The following FRMD6 variants were observed in gnomAD, a reference collection of about 807,000 sequenced individuals.
The protein encoded by FRMD6 is FERM domain-containing protein 6.
FRMD6 carries 37 observed loss-of-function variants against 73.2 expected under a neutral mutation model. The ratio of observed to expected loss-of-function variants is 0.51; its 90% CI spans 0.39 to 0.66. The LOEUF (loss-of-function observed/expected upper bound fraction) is 0.66, where lower values mean the gene tolerates loss of function less well. FRMD6 is among the 30% of genes least tolerant of loss of function. The probability of loss-of-function intolerance (pLI) is 0.00; values close to 1 mark genes in which losing one functional copy is unlikely to be tolerated. For synonymous variants in FRMD6, 273 were observed against 282.2 expected (o/e 0.97, Z 0.33); for missense variants, 714 against 780.5 (o/e 0.91, Z 1.02).
At chr14:51,666,810 A>C (rs567283351) in intron 1 of FRMD6, among the ~76,000 whole-genome samples, 1 of 152,296 alleles carries the variant, frequency 6.6e-6, no homozygotes, top group African/African-American at 2.4e-5. Context: ...TAAATAAGTA[A>C]ACAAAGGACA....
intron 1 of FRMD6, among the ~76,000 whole-genome samples, chr14:51,559,431 C>G (rs964848515): frequency 5.9e-5 from 9 of 152,074 alleles, no homozygotes; most frequent in African/African-American, 2.2e-4. Flanking sequence ...CTTGGTCAAT[C>G]CAATCAGAAT....
chr14:51,484,508 A>G (rs1596482382), upstream of FRMD6, among the ~76,000 whole-genome samples: 2 of 152,200 alleles, frequency 1.3e-5, no homozygotes, highest in South Asian at 2.1e-4. Flanking sequence ...TACCACCACC[A>G]GAATAGCCAC....
the FRMD6 span, among the ~76,000 whole-genome samples, chr14:51,407,679 G>C: frequency 6.6e-6 from 1 of 151,940 alleles, no homozygotes; most frequent in Non-Finnish European, 1.5e-5. Flanking sequence ...AAAAAATTCA[G>C]TTTAAAATAT....
intron 1 of FRMD6, among the ~76,000 whole-genome samples, chr14:51,511,616 A>C (rs1209293191): frequency 1.3e-5 from 2 of 152,224 alleles, no homozygotes; most frequent in East Asian, 3.8e-4. Context: ...AAGATTGATT[A>C]AGAACACAAG....
chr14:51,484,548 T>C (rs1882727288), upstream of FRMD6, among the ~76,000 whole-genome samples: 1 of 152,174 alleles, frequency 6.6e-6, no homozygotes, highest in Non-Finnish European at 1.5e-5. Context: ...GACAGGGCCC[T>C]GGAACCCTGC....
chr14:51,654,517 G>A lies in FRMD6; in HGVS notation c.-147+2521G>A, dbSNP rs929054993. On this transcript the variant is annotated intron_variant, in intron 1 of 13. Coordinates refer to ENST00000344768, the MANE Select transcript of FRMD6 (RefSeq NM_001267046.2). ...GTCCTGTCTCACAACTAACTTTTTT[G>A]ATAAAGGAATTCTTTGTAGTTTTCG... Among the ~76,000 whole-genome samples, 6 of 151,552 alleles carry A rather than the reference G, an allele frequency of 4.0e-5. No homozygotes were observed. The East Asian group carries it at 9.7e-4, about 24-fold the overall frequency.
At chr14:51,455,892 G>A in the FRMD6 span, among the ~76,000 whole-genome samples, 1 of 152,154 alleles carries the variant, frequency 6.6e-6, no homozygotes, top group African/African-American at 2.4e-5. Flanking sequence ...TGAAGTTCAA[G>A]GTCAGCAGAG....
chr14:51,648,826 C>T (rs1261855674), upstream of FRMD6, among the ~76,000 whole-genome samples: 1 of 152,110 alleles, frequency 6.6e-6, no homozygotes, highest in Admixed American at 6.5e-5. Context: ...ATAACCTGTT[C>T]CTAAGAAAAA....
At chr14:51,495,133 T>G (rs1188734851) in intron 1 of FRMD6, among the ~76,000 whole-genome samples, 1 of 152,186 alleles carries the variant, frequency 6.6e-6, no homozygotes, top group Non-Finnish European at 1.5e-5. Context: ...AGTTTTTCCT[T>G]CCACAAAACA....
At chr14:51,622,798 C>A (rs1014483360) in intron 2 of FRMD6, among the ~76,000 whole-genome samples, 3 of 152,160 alleles carry the variant, frequency 2.0e-5, no homozygotes, top group Non-Finnish European at 4.4e-5. Context: ...CAGGGTCTTA[C>A]ACTGTCACCC....
intron 1 of FRMD6, among the ~76,000 whole-genome samples, chr14:51,514,654 C>T (rs1425088993): frequency 1.3e-5 from 2 of 152,262 alleles, no homozygotes; most frequent in Middle Eastern, 3.4e-3. Flanking sequence ...TCTAGACCAG[C>T]CTGGTCAATA....
At chr14:51,671,889 G>A (rs915112518) in intron 1 of FRMD6, among the ~76,000 whole-genome samples, 1 of 152,206 alleles carries the variant, frequency 6.6e-6, no homozygotes, top group Admixed American at 6.5e-5. Flanking sequence ...GGCCAACACT[G>A]TGGAATCTCA....
intron 1 of FRMD6, among the ~76,000 whole-genome samples, chr14:51,658,004 G>C (rs1892958090): frequency 1.3e-5 from 2 of 152,188 alleles, no homozygotes; most frequent in African/African-American, 4.8e-5. Flanking sequence ...GTCTCCTCTA[G>C]TGCCACATGC....
chr14:51,656,627 T>C (rs1330657072), intron 1 of FRMD6, among the ~76,000 whole-genome samples: 1 of 152,136 alleles, frequency 6.6e-6, no homozygotes, highest in Non-Finnish European at 1.5e-5. Context: ...TTGGCCAGGC[T>C]GATCTCAAAC....
chr14:51,663,726 C>T (rs773358884), intron 1 of FRMD6, among the ~76,000 whole-genome samples: 1 of 152,126 alleles, frequency 6.6e-6, no homozygotes, highest in Non-Finnish European at 1.5e-5. Context: ...CAAACCTGTA[C>T]TCATACCCTT....
chr14:51,684,161 TAA>T lies in FRMD6; in HGVS notation c.-146-5518_-146-5517del, dbSNP rs35178247. ...TGTTTTTAAATAAATAAATGACCCT[TAA>T]AAAAAAAAAAACCCTCATAGTACAG... is the stretch of plus-strand genomic sequence containing the variant. On this transcript the variant is annotated intron_variant, in intron 1 of 13. Transcript: ENST00000344768. Among the ~76,000 whole-genome samples, 1,340 of 145,220 alleles carry T rather than the reference TAA, an allele frequency of 9.2e-3. 20 individuals carry two copies. Among genetic ancestry groups the T allele is most frequent in the African/African-American group, 0.025 (991 of 39,812 alleles).
chr14:51,547,426 AG>A (rs1347046010), intron 1 of FRMD6, among the ~76,000 whole-genome samples: 1 of 152,154 alleles, frequency 6.6e-6, no homozygotes, highest in East Asian at 1.9e-4. Context: ...ATGGAGTCAC[AG>A]GCTGTAATGC....
intron 1 of FRMD6, among the ~76,000 whole-genome samples, chr14:51,495,793 G>A (rs1883260088): frequency 6.6e-6 from 1 of 152,178 alleles, no homozygotes. Flanking sequence ...AATTGAGAAG[G>A]AAAGAAAACT....
chr14:51,704,877 TC>T lies in FRMD6; in HGVS notation c.501del (p.Phe167LeufsTer31). On this transcript the variant is annotated frameshift_variant, in exon 6 of 14. Transcript: ENST00000344768. LOFTEE classifies it high-confidence loss of function. Reference protein sequence around the residue: ...AFALQADLGNFKRNKHYGKYF... With the variant: ...AFALQADLGNXKRNKHYGKYF... ...GCCCTGCAGGCTGATCTTGGGAACTTCAAAAGGAATAAGCACTATGGAAAAT... is the reference window on the plus strand; with the variant it reads ...GCCCTGCAGGCTGATCTTGGGAACTTAAAAGGAATAAGCACTATGGAAAAT... The T allele has an allele frequency of 6.2e-7, 1 of 1,613,402 alleles. No individual in the cohort carries two copies. The highest frequency in any genetic ancestry group is 2.2e-5 in the East Asian group (1 of 44,858).
Sources: allele counts gnomAD v4.1 joint callset (sites outside exome capture counted in the v4.1 genomes callset), GRCh38; gene constraint gnomAD v4.1.1; transcripts MANE v1.5; gene names NCBI Gene and HGNC (gene_info 2026-07-23, HGNC 2026-07-21).